The following CDKL4 variants were observed in gnomAD, a reference collection of about 807,000 sequenced individuals.
The protein encoded by CDKL4 is cyclin-dependent kinase-like 4.
Under a neutral mutation model 42.0 loss-of-function variants are expected in CDKL4, and 44 were observed. The observed-to-expected ratio is 1.05, with a 90% confidence interval of 0.82 to 1.35. The LOEUF (loss-of-function observed/expected upper bound fraction) is 1.35, where lower values mean the gene tolerates loss of function less well. Ranked by LOEUF, CDKL4 falls within the 40% of genes most tolerant of loss-of-function variation. The probability of loss-of-function intolerance (pLI) is 0.00; values close to 1 mark genes in which losing one functional copy is unlikely to be tolerated. For synonymous variants in CDKL4, 120 were observed against 121.6 expected (o/e 0.99, Z 0.09); for missense variants, 393 against 369.9 (o/e 1.06, Z -0.51).
chr2:39,206,238 GC>G (rs1357995614), intron 4 of CDKL4, among the ~76,000 whole-genome samples: 1 of 152,036 alleles, frequency 6.6e-6, no homozygotes, highest in Non-Finnish European at 1.5e-5. Context: ...TCACCACCAT[GC>G]CCGGCTAATT....
chr2:39,209,861 T>C (rs1405098475), intron 4 of CDKL4, among the ~76,000 whole-genome samples: 1 of 152,190 alleles, frequency 6.6e-6, no homozygotes, highest in East Asian at 1.9e-4. Flanking sequence ...TGTGACAGCT[T>C]TATATATGGC....
At chr2:39,185,227 C>T (rs1453132905) in intron 7 of CDKL4, among the ~76,000 whole-genome samples, 2 of 11,370 alleles carry the variant, frequency 1.8e-4, no homozygotes. Context: ...CATATATACA[C>T]ATACGTATAT....
At chr2:39,202,528 A>G (rs1676921107) in intron 5 of CDKL4, among the ~76,000 whole-genome samples, 1 of 152,056 alleles carries the variant, frequency 6.6e-6, no homozygotes, top group South Asian at 2.1e-4. Flanking sequence ...GAAGTTTTTA[A>G]TTTTAATGAA....
the CDKL4 span, among the ~76,000 whole-genome samples, chr2:39,170,616 C>G: frequency 2.0e-5 from 3 of 152,070 alleles, no homozygotes; most frequent in African/African-American, 7.2e-5. Context: ...GCCACCATGC[C>G]TGGCTAATTT....
chr2:39,221,920 C>G (rs1468074276), intron 3 of CDKL4, among the ~76,000 whole-genome samples: 1 of 152,216 alleles, frequency 6.6e-6, no homozygotes, highest in African/African-American at 2.4e-5. Flanking sequence ...TCAACATTAA[C>G]CCAATCAACA....
At chr2:39,235,024 G>C in intron 1 of CDKL4, among the ~76,000 whole-genome samples, 1 of 151,984 alleles carries the variant, frequency 6.6e-6, no homozygotes, top group Non-Finnish European at 1.5e-5. Flanking sequence ...AAGTAGCTGG[G>C]ACCACACCTG....
At chr2:39,214,910 G>A (rs936089467) in intron 3 of CDKL4, among the ~76,000 whole-genome samples, 5 of 152,136 alleles carry the variant, frequency 3.3e-5, no homozygotes, top group Non-Finnish European at 7.4e-5. Flanking sequence ...ACTGGGGATT[G>A]GGGGTCTGGG....
intron 7 of CDKL4, 99 bp from the exon 8 acceptor site, chr2:39,184,746 G>GTT: frequency 2.8e-6 from 2 of 705,738 alleles, no homozygotes; most frequent in South Asian, 3.4e-5. Context: ...GTGTGTGTGT[G>GTT]TATTTAGAGA....
chr2:39,183,905 T>A (rs753361461), intron 8 of CDKL4, among the ~76,000 whole-genome samples: 4 of 152,080 alleles, frequency 2.6e-5, no homozygotes, highest in Admixed American at 6.5e-5. Context: ...CAAAGGCTGG[T>A]CTACAAAAGT....
chr2:39,205,759 C>CAAAAAAAAAA (rs1167041058), intron 4 of CDKL4, among the ~76,000 whole-genome samples: 8 of 78,586 alleles, frequency 1.0e-4, no homozygotes, highest in Admixed American at 1.6e-4. Context: ...GACTCCGTCT[C>CAAAAAAAAAA]AAAAAAAAAA....
intron 3 of CDKL4, among the ~76,000 whole-genome samples, chr2:39,225,031 C>T (rs1291527251): frequency 6.6e-6 from 1 of 152,066 alleles, no homozygotes; most frequent in Admixed American, 6.6e-5. Context: ...CTCAGAACAA[C>T]GTTGCATTAT....
upstream of CDKL4, among the ~76,000 whole-genome samples, chr2:39,246,788 G>C (rs923328646): frequency 2.1e-4 from 32 of 151,952 alleles, 1 homozygote; most frequent in Non-Finnish European, 5.9e-5. Flanking sequence ...CTGTTGCCTA[G>C]GCTAAAGTGC....
At chr2:39,179,615 T>C (rs1478816727) in intron 8 of CDKL4, among the ~76,000 whole-genome samples, 2 of 152,236 alleles carry the variant, frequency 1.3e-5, no homozygotes, top group Non-Finnish European at 2.9e-5. Context: ...AAATCGTTTA[T>C]AGCAGTCTGC....
rs568980643 is a variant in CDKL4, at chr2:39,187,062, T to C, written c.735+565A>G. Among the ~76,000 whole-genome samples, 41 of 152,138 alleles carry C rather than the reference T, an allele frequency of 2.7e-4. No homozygotes were observed. The South Asian group carries it at 3.7e-3, about 14-fold the overall frequency. ...CCCATGTGTGGAGAGAGGGAGGTGA[T>C]TGGATCATGACGGGGGTTCCTCCAT... On this transcript the variant is annotated intron_variant, in intron 7 of 9. Transcript: ENST00000451199.
chr2:39,208,701 CTTTTTTTTTTTT>C (rs761337117), intron 4 of CDKL4, among the ~76,000 whole-genome samples: 5 of 102,004 alleles, frequency 4.9e-5, no homozygotes, highest in Admixed American at 3.1e-4. Context: ...GACGGGCAAT[CTTTTTTTTTTTT>C]TTTTTTTTTG....
intron 5 of CDKL4, among the ~76,000 whole-genome samples, chr2:39,201,692 A>C (rs1312262556): frequency 6.6e-6 from 1 of 152,008 alleles, no homozygotes; most frequent in Non-Finnish European, 1.5e-5. Flanking sequence ...ACTGGAGACC[A>C]TTATTCTAAC....
At chr2:39,185,558 G>A (rs1295524404) in intron 7 of CDKL4, among the ~76,000 whole-genome samples, 3 of 149,404 alleles carry the variant, frequency 2.0e-5, no homozygotes, top group East Asian at 2.0e-4. Context: ...CGCCTCCCGG[G>A]TTGATGCCAT....
At chr2:39,224,248 T>C (rs559617419) in intron 3 of CDKL4, among the ~76,000 whole-genome samples, 80 of 152,240 alleles carry the variant, frequency 5.3e-4, no homozygotes, top group East Asian at 1.9e-3. Context: ...TTTTTCTCGA[T>C]TTAGTCTTTT....
chr2:39,224,126 C>A (rs1678549298), intron 3 of CDKL4, among the ~76,000 whole-genome samples: 2 of 152,150 alleles, frequency 1.3e-5, no homozygotes, highest in Non-Finnish European at 2.9e-5. Flanking sequence ...TTCATTCTGG[C>A]AAATAGTTTA....
Sources: gnomAD v4.1 joint callset for allele counts (sites outside exome capture counted in the v4.1 genomes callset) on GRCh38, gnomAD v4.1.1 for gene constraint, MANE v1.5 for transcripts, NCBI Gene and HGNC (gene_info 2026-07-23, HGNC 2026-07-21) for gene names.